RNF2: variants seen among roughly 807,000 people sequenced by gnomAD.
RNF2 encodes ring finger protein 2.
RNF2 carries 6 observed loss-of-function variants against 37.2 expected under a neutral mutation model. The observed-to-expected ratio is 0.16, with a 90% confidence interval of 0.09 to 0.32. The LOEUF is 0.32. Ranked by LOEUF, RNF2 falls within the 10% of genes least tolerant of loss-of-function variation. The probability of loss-of-function intolerance (pLI) is 1.00; values close to 1 mark genes in which losing one functional copy is unlikely to be tolerated. For missense variants in RNF2, 251 were observed against 404.0 expected (o/e 0.62, Z 3.25); for synonymous variants, 133 against 132.7 (o/e 1.00, Z -0.02).
Position 185,100,541 on chromosome 1 carries a change from G to A in RNF2, c.*240G>A. 1 of 276,036 alleles carries A rather than the reference G, an allele frequency of 3.6e-6. No homozygotes were observed. The highest frequency in any genetic ancestry group is 5.2e-5 in the East Asian group (1 of 19,120). The allele number at this position is 276,036 out of a possible 1,614,324, so 17.1% of individuals were successfully genotyped here. A position where few individuals can be genotyped will look rare whatever the true frequency, so the allele number is the denominator to read the frequency against. The stretch of plus-strand genomic sequence containing the variant: ...TAAAAAAATATATCTGAAGTTTCTT[G>A]TGTTTTTTTTTTTCCCCACAAAGTG... On this transcript the variant is annotated 3_prime_UTR_variant, in exon 7 of 7. Coordinates refer to ENST00000367510, the MANE Select transcript of RNF2 (RefSeq NM_007212.4).
chr1:185,054,863 A>T (rs539967538), intron 1 of RNF2, among the ~76,000 whole-genome samples: 37 of 151,480 alleles, frequency 2.4e-4, no homozygotes, highest in African/African-American at 8.5e-4. Flanking sequence ...ACGCCCGGCT[A>T]TTTTTTTTCT....
At position 185,078,212 on chromosome 1, in the gene RNF2, A is replaced by G. The variant is rs145728915; in HGVS notation, c.-2-9340A>G. Among the ~76,000 whole-genome samples the G allele has an allele frequency of 2.6e-3, 399 of 152,310 alleles. 1 individual carries two copies. The highest frequency in any genetic ancestry group is 9.4e-3 in the African/African-American group (391 of 41,574). On this transcript the variant is annotated intron_variant, in intron 1 of 6. Transcript: ENST00000367510. ...CAGTGAGCCGAAATCTTGTCACTGC[A>G]TTCCAGCCTGGGTGACAAAGTGAGA...
intron 1 of RNF2, among the ~76,000 whole-genome samples, chr1:185,049,389 T>A (rs1365146383): frequency 6.6e-6 from 1 of 152,220 alleles, no homozygotes; most frequent in African/African-American, 2.4e-5. Context: ...TATTTCTCAT[T>A]TTCTCTCATT....
intron 1 of RNF2, among the ~76,000 whole-genome samples, chr1:185,058,297 CTG>C (rs1456037696): frequency 6.6e-6 from 1 of 152,174 alleles, no homozygotes; most frequent in Non-Finnish European, 1.5e-5. Context: ...ATTTGAATAT[CTG>C]TGGCTTTTGG....
chr1:185,095,818 G>A (rs1651895416), intron 4 of RNF2, among the ~76,000 whole-genome samples: 1 of 152,006 alleles, frequency 6.6e-6, no homozygotes, highest in South Asian at 2.1e-4. Context: ...ATATTTTTAT[G>A]TAGGTATATG....
intron 1 of RNF2, among the ~76,000 whole-genome samples, chr1:185,051,025 G>A (rs1650254728): frequency 6.6e-6 from 1 of 151,776 alleles, no homozygotes; most frequent in Non-Finnish European, 1.5e-5. Context: ...ACCTCTATTC[G>A]CTATTGCGAA....
chr1:185,074,259 G>A (rs901225326), intron 1 of RNF2, among the ~76,000 whole-genome samples: 3 of 152,178 alleles, frequency 2.0e-5, no homozygotes, highest in African/African-American at 7.2e-5. Context: ...ATTTAATGGA[G>A]ATTCCATTAC....
chr1:185,076,268 G>GTTGTTTTTTTTTTTTTTTTTTTT (rs1651152431), intron 1 of RNF2, among the ~76,000 whole-genome samples: 1 of 27,334 alleles, frequency 3.7e-5, no homozygotes, highest in Non-Finnish European at 7.6e-5. Flanking sequence ...TTTATGGGTT[G>GTTGTTTTTTTTTTTTTTTTTTTT]TTTTTTTTTT....
chr1:185,072,550 G>T (rs1200715352), intron 1 of RNF2, among the ~76,000 whole-genome samples: 1 of 151,934 alleles, frequency 6.6e-6, no homozygotes, highest in South Asian at 2.1e-4. Flanking sequence ...GAAAATCTTG[G>T]GGGGAAGAAA....
rs768356678 is a variant in RNF2, at chr1:185,101,832, GTTTTTTTTT to G, written c.*1545_*1553del. 1.0e-5 allele frequency: 1 copy of G among 97,878 alleles called. No homozygotes were observed. The highest frequency in any genetic ancestry group is 4.1e-5 in the African/African-American group (1 of 24,638). The allele number at this position is 97,878 out of a possible 1,614,324, so 6.1% of individuals were successfully genotyped here. A position where few individuals can be genotyped will look rare whatever the true frequency, so the allele number is the denominator to read the frequency against. On this transcript the variant is annotated 3_prime_UTR_variant, in exon 7 of 7. Transcript: ENST00000367510. ...AATATTTAAAATCTGTTTTTACAGG[GTTTTTTTTT>G]TTTTTTTTTTTTTGTAATCTGTGCC...
At chr1:185,053,888 T>G (rs61826109) in intron 1 of RNF2, among the ~76,000 whole-genome samples, 1 of 151,674 alleles carries the variant, frequency 6.6e-6, no homozygotes, top group Non-Finnish European at 1.5e-5. Flanking sequence ...ATGTCTTGTA[T>G]TAAAAAAAAA....
intron 1 of RNF2, among the ~76,000 whole-genome samples, chr1:185,057,545 A>G (rs184621980): frequency 5.9e-4 from 90 of 152,220 alleles, no homozygotes; most frequent in Non-Finnish European, 1.1e-3. Flanking sequence ...CCGTAAGTTT[A>G]CCTTTCCAAG....
At chr1:185,092,836 C>T (rs903235293) in intron 3 of RNF2, among the ~76,000 whole-genome samples, 14 of 151,908 alleles carry the variant, frequency 9.2e-5, no homozygotes, top group Non-Finnish European at 1.8e-4. Flanking sequence ...GGGAAATACT[C>T]AAATTTTTTC....
chr1:185,054,093 T>G (rs958228498), intron 1 of RNF2, among the ~76,000 whole-genome samples: 2 of 152,142 alleles, frequency 1.3e-5, no homozygotes, highest in Non-Finnish European at 2.9e-5. Context: ...TTATAACTAG[T>G]GTCTAGAAGT....
At chr1:185,071,627 C>T (rs1650977048) in intron 1 of RNF2, 2 of 156,076 alleles carry the variant, frequency 1.3e-5, no homozygotes, top group African/African-American at 4.8e-5. Context: ...TCAGACCCAC[C>T]TCCCCGCCAA....
chr1:185,063,127 G>GC (rs1168581005), intron 1 of RNF2, among the ~76,000 whole-genome samples: 5 of 152,210 alleles, frequency 3.3e-5, no homozygotes, highest in Non-Finnish European at 5.9e-5. Flanking sequence ...CACTAAACCT[G>GC]TAACTGTAAA....
chr1:185,074,194 T>TA (rs1276748544), intron 1 of RNF2, among the ~76,000 whole-genome samples: 14 of 152,202 alleles, frequency 9.2e-5, no homozygotes, highest in Admixed American at 8.5e-4. Context: ...CCTGTGGAGT[T>TA]AGAGTGTATC....
chr1:185,059,762 T>A (rs1428431256), intron 1 of RNF2, among the ~76,000 whole-genome samples: 1 of 152,210 alleles, frequency 6.6e-6, no homozygotes, highest in Non-Finnish European at 1.5e-5. Flanking sequence ...CAACTGGGAT[T>A]ACTTGGACAA....
chr1:185,079,440 G>A (rs1651280633), intron 1 of RNF2, among the ~76,000 whole-genome samples: 3 of 152,170 alleles, frequency 2.0e-5, no homozygotes, highest in African/African-American at 7.2e-5. Flanking sequence ...GTCAGCCTGA[G>A]TCTTCGTAAT....
Sources: gnomAD v4.1 joint callset for allele counts (sites outside exome capture counted in the v4.1 genomes callset) on GRCh38, gnomAD v4.1.1 for gene constraint, MANE v1.5 for transcripts, NCBI Gene and HGNC (gene_info 2026-07-23, HGNC 2026-07-21) for gene names.